Variants in SLC12A1 observed in about 807,000 individuals in gnomAD.
SLC12A1 encodes Na-K-2Cl cotransporter.
In SLC12A1, 89 loss-of-function variants were observed where a neutral mutation model predicts 130.4. The observed-to-expected ratio is 0.68, with a 90% CI of 0.58 to 0.81. SLC12A1 has a LOEUF of 0.81. Ranked by LOEUF, SLC12A1 falls within the 40% of genes least tolerant of loss-of-function variation. The pLI is 0.00. For synonymous variants in SLC12A1, 499 were observed against 460.0 expected (o/e 1.08, Z -1.09); for missense variants, 1,310 against 1,336.4 (o/e 0.98, Z 0.31).
At chr15:48,238,033 A>G (rs946795213) in intron 9 of SLC12A1, among the ~76,000 whole-genome samples, 1 of 152,224 alleles carries the variant, frequency 6.6e-6, no homozygotes, top group Admixed American at 6.5e-5. Flanking sequence ...AGAAAAAAAA[A>G]TGTTTTTTAC....
rs766371219 is a variant in SLC12A1 at position 48,288,090 on chromosome 15, C to A, written c.2677C>A (p.Gln893Lys). The part of the protein sequence containing the change: ...SQSMHVGEFN[Q>K]KLVEASTQFK... The stretch of plus-strand genomic sequence containing the variant: ...GTCGATGCATGTGGGAGAGTTCAAC[C>A]AGAAACTGGTGGAAGCCAGCACTCA... Residue 893 changes from glutamine (Q) to lysine (K), a missense_variant, in exon 22 of 27, where the codon CAG becomes AAG. By Grantham distance (53) the Gln-to-Lys change is moderately conservative. Coordinates refer to ENST00000380993, the MANE Select transcript of SLC12A1 (RefSeq NM_000338.3). The A allele has an allele frequency of 6.2e-7, 1 of 1,611,004 alleles. No individual in the cohort carries two copies. The highest frequency in any genetic ancestry group is 8.5e-7 in the Non-Finnish European group (1 of 1,178,614).
chr15:48,235,581 G>A (rs1253402432), intron 9 of SLC12A1, among the ~76,000 whole-genome samples: 2 of 152,084 alleles, frequency 1.3e-5, no homozygotes, highest in Non-Finnish European at 2.9e-5. Flanking sequence ...TGAGGTGGGA[G>A]GATTGCTTGA....
chr15:48,208,031 C>A lies in SLC12A1; in HGVS notation c.312C>A (p.Asn104Lys), dbSNP rs2140999636. 6.2e-7 allele frequency: 1 copy of A among 1,614,008 alleles called. No homozygotes were observed. The highest frequency in any genetic ancestry group is 8.5e-7 in the Non-Finnish European group (1 of 1,179,892). The change falls in exon 2 of 27, where the codon AAC becomes AAA. Residue 104 changes from asparagine (N) to lysine (K), a missense_variant. Transcript: ENST00000380993. ...NTYYLQTFGH[N>K]TMDAVPKIEY... is the part of the protein sequence containing the mutation. ...ACTATCTACAAACTTTTGGCCACAA[C>A]ACCATGGATGCCGTTCCCAAGATAG... is the stretch of plus-strand genomic sequence containing the variant.
At position 48,248,171 on chromosome 15, in the gene SLC12A1, C is replaced by T. The variant is rs559805754; in HGVS notation, c.1684+711C>T. On this transcript the variant is annotated intron_variant, in intron 13 of 26. Coordinates refer to ENST00000380993, the MANE Select transcript of SLC12A1 (RefSeq NM_000338.3). ...GAGGACATTGGGAGCCACACATAGG[C>T]GGGCAGAGACTTCCTCAGCACAGCA... Among the ~76,000 whole-genome samples the T allele has an allele frequency of 9.9e-5, 15 of 152,280 alleles. No homozygotes were observed. In the East Asian group the frequency reaches 1.4e-3, roughly 14 times the overall value.
intron 20 of SLC12A1, among the ~76,000 whole-genome samples, chr15:48,275,158 G>A (rs1465105762): frequency 6.6e-6 from 1 of 152,142 alleles, no homozygotes; most frequent in Non-Finnish European, 1.5e-5. Context: ...TCCCTGTAGA[G>A]AATTTGGTAT....
intron 14 of SLC12A1, among the ~76,000 whole-genome samples, chr15:48,250,706 A>G (rs1163082510): frequency 6.6e-6 from 1 of 151,078 alleles, no homozygotes; most frequent in Non-Finnish European, 1.5e-5. Context: ...ACACACACAC[A>G]CGGACGGGAA....
At chr15:48,256,251 CT>C (rs1202562362) in intron 16 of SLC12A1, among the ~76,000 whole-genome samples, 2 of 152,196 alleles carry the variant, frequency 1.3e-5, no homozygotes, top group Non-Finnish European at 2.9e-5. Flanking sequence ...CTGCTTAAGG[CT>C]TTAGGGCTTA....
intron 11 of SLC12A1, 54 bp from the exon 12 acceptor site, chr15:48,246,855 T>C: frequency 8.4e-7 from 1 of 1,184,514 alleles, no homozygotes; most frequent in Non-Finnish European, 1.3e-6. Context: ...CGTTTGCTTA[T>C]GAAACAGATT....
intron 14 of SLC12A1, among the ~76,000 whole-genome samples, chr15:48,250,013 A>G (rs146047394): frequency 6.6e-6 from 1 of 152,314 alleles, no homozygotes; most frequent in Non-Finnish European, 1.5e-5. Flanking sequence ...ATTAATCTAT[A>G]TATTTGAAAC....
intron 8 of SLC12A1, among the ~76,000 whole-genome samples, chr15:48,234,465 G>A (rs1015101555): frequency 1.3e-5 from 2 of 152,118 alleles, no homozygotes; most frequent in African/African-American, 4.8e-5. Flanking sequence ...GAATGTGGCC[G>A]GGCGCGGTAG....
chr15:48,210,856 TC>T (rs2041044438), intron 2 of SLC12A1, among the ~76,000 whole-genome samples: 1 of 150,224 alleles, frequency 6.7e-6, no homozygotes, highest in South Asian at 2.1e-4. Flanking sequence ...GGAGTGAAAC[TC>T]CATCTCAAAA....
At chr15:48,231,487 A>C (rs1252905020) in intron 7 of SLC12A1, among the ~76,000 whole-genome samples, 1 of 152,134 alleles carries the variant, frequency 6.6e-6, no homozygotes, top group African/African-American at 2.4e-5. Context: ...GTAGCATTTA[A>C]AGCTCCAGCT....
intron 8 of SLC12A1, 115 bp downstream of exon 8, chr15:48,232,953 C>T: frequency 3.0e-6 from 2 of 677,098 alleles, no homozygotes; most frequent in Non-Finnish European, 5.2e-6. Context: ...TTTCAAGTTA[C>T]TTGTGGATGC....
At chr15:48,238,415 G>A (rs181860084) in intron 9 of SLC12A1, among the ~76,000 whole-genome samples, 5 of 152,202 alleles carry the variant, frequency 3.3e-5, no homozygotes, top group Non-Finnish European at 2.9e-5. Context: ...GAGGTTTGAG[G>A]CAGCGTTCAG....
chr15:48,302,456 TAAAAATACA>T (rs1183882898), intron 26 of SLC12A1, among the ~76,000 whole-genome samples: 1 of 150,638 alleles, frequency 6.6e-6, no homozygotes. Context: ...CCGTCTCTAC[TAAAAATACA>T]AAAAATTAGC....
intron 21 of SLC12A1, among the ~76,000 whole-genome samples, 156 bp from the exon 22 acceptor site, chr15:48,287,887 T>C (rs973555067): frequency 1.3e-5 from 2 of 152,246 alleles, no homozygotes; most frequent in African/African-American, 4.8e-5. Context: ...GATTGGACTT[T>C]TATCTCTGCC....
chr15:48,231,332 T>C (rs373955673), intron 7 of SLC12A1, among the ~76,000 whole-genome samples: 2 of 152,196 alleles, frequency 1.3e-5, no homozygotes, highest in African/African-American at 4.8e-5. Context: ...AGATCAATAA[T>C]AAGCAAGCAA....
At chr15:48,254,342 T>C (rs922342328) in intron 15 of SLC12A1, among the ~76,000 whole-genome samples, 7 of 151,988 alleles carry the variant, frequency 4.6e-5, no homozygotes, top group Non-Finnish European at 7.4e-5. Flanking sequence ...AAACGTCCAA[T>C]TGACAAGTAG....
chr15:48,300,083 G>T (rs1597464198), intron 25 of SLC12A1, among the ~76,000 whole-genome samples: 1 of 152,288 alleles, frequency 6.6e-6, no homozygotes, highest in East Asian at 1.9e-4. Flanking sequence ...TGTAATCCCA[G>T]AACTTTGGGA....
Sources: gnomAD v4.1 joint callset for allele counts (sites outside exome capture counted in the v4.1 genomes callset) on GRCh38, gnomAD v4.1.1 for gene constraint, MANE v1.5 for transcripts, NCBI Gene and HGNC (gene_info 2026-07-23, HGNC 2026-07-21) for gene names.